Variants in AKAP13 observed in about 807,000 individuals in gnomAD.
The protein encoded by AKAP13 is A-kinase anchoring protein 13.
AKAP13 carries 80 observed loss-of-function variants against 264.5 expected under a neutral mutation model. The observed-to-expected ratio is 0.30, with a 90% CI of 0.25 to 0.36. The LOEUF (loss-of-function observed/expected upper bound fraction) is 0.36. Ranked by LOEUF, AKAP13 falls within the 10% of genes least tolerant of loss-of-function variation. The pLI is 1.00. For missense variants in AKAP13, 3,712 were observed against 3,435.2 expected, an observed-to-expected ratio of 1.08 and a Z score of -2.01; for synonymous variants, 1,380 against 1,250.2, an observed-to-expected ratio of 1.10 and a Z score of -2.19.
intron 1 of AKAP13, among the ~76,000 whole-genome samples, chr15:85,424,603 T>G (rs35734749): frequency 6.6e-6 from 1 of 152,232 alleles, no homozygotes; most frequent in African/African-American, 2.4e-5. Flanking sequence ...AAGGCTATTG[T>G]GCTTTCTTAT....
At chr15:85,507,798 G>T (rs962696897) in intron 2 of AKAP13, among the ~76,000 whole-genome samples, 1 of 152,220 alleles carries the variant, frequency 6.6e-6, no homozygotes, top group Non-Finnish European at 1.5e-5. Flanking sequence ...AGGATATGAT[G>T]GCAGTAGCAC....
chr15:85,453,035 G>A (rs1284116759), intron 1 of AKAP13, among the ~76,000 whole-genome samples: 1 of 152,200 alleles, frequency 6.6e-6, no homozygotes, highest in Non-Finnish European at 1.5e-5. Flanking sequence ...CAAGCCAGGG[G>A]TTGGTTCCCT....
At chr15:85,586,920 A>C (rs1380800835) in intron 8 of AKAP13, among the ~76,000 whole-genome samples, 1 of 111,178 alleles carries the variant, frequency 9.0e-6, no homozygotes, top group Non-Finnish European at 2.0e-5. Flanking sequence ...AGAGCACGAC[A>C]CCTTCTCAAA....
At position 85,441,700 on chromosome 15, in the gene AKAP13, A is replaced by G. The variant is rs536560991; in HGVS notation, c.-11-44010A>G. 3.9e-5 allele frequency among the ~76,000 whole-genome samples: 6 copies of G among 152,120 alleles called. No homozygotes were observed. In the South Asian group the frequency reaches 8.3e-4, roughly 21 times the overall value. ...TTTTGTGTATGGTGTAAGCTAGGGT[A>G]TAAGTTCATTTTTTGCATGTGGATA... On this transcript the variant is annotated intron_variant, in intron 1 of 36. Coordinates refer to ENST00000394518, the MANE Select transcript of AKAP13 (RefSeq NM_007200.5).
At position 85,502,193 on chromosome 15, in the gene AKAP13, G is replaced by A. The variant is rs184341046; in HGVS notation, c.33+16440G>A. On this transcript the variant is annotated intron_variant, in intron 2 of 36. Transcript: ENST00000394518. ...CATGTAGAGAAAGTGTATGTGCTTA[G>A]GAGTCAAGTAGACACAGCTTTACAT... is the stretch of plus-strand genomic sequence containing the variant. Among the ~76,000 whole-genome samples the A allele has an allele frequency of 7.2e-4, 110 of 152,312 alleles. 1 individual carries two copies. Among genetic ancestry groups the A allele is most frequent in the Admixed American group, 4.1e-3 (63 of 15,294 alleles).
chr15:85,733,873 C>CTTTTTTTTTTTTTTTTTTTTTTTTTT (rs72092500), intron 30 of AKAP13, among the ~76,000 whole-genome samples: 3 of 82,588 alleles, frequency 3.6e-5, no homozygotes, highest in Non-Finnish European at 6.9e-5. Context: ...TCTTTCTTTT[C>CTTTTTTTTTTTTTTTTTTTTTTTTTT]TTTTTTTTTT....
At position 85,388,689 on chromosome 15, in the gene AKAP13, T is replaced by C. The variant is rs146671903; in HGVS notation, c.-12+7891T>C. 5.5e-4 allele frequency among the ~76,000 whole-genome samples: 84 copies of C among 152,362 alleles called. 1 individual carries two copies. Among genetic ancestry groups the C allele is most frequent in the East Asian group, 3.3e-3 (17 of 5,196 alleles). ...CTTTGCATTCTTGTGATAATACTCA[T>C]TTAGTCGTGATGTATTATTTTTTAC... On this transcript the variant is annotated intron_variant, in intron 1 of 36. Coordinates refer to ENST00000394518, the MANE Select transcript of AKAP13 (RefSeq NM_007200.5).
chr15:85,457,579 C>A (rs530896887), intron 1 of AKAP13, among the ~76,000 whole-genome samples: 12 of 152,284 alleles, frequency 7.9e-5, no homozygotes, highest in Admixed American at 6.5e-4. Flanking sequence ...TTGGAGTGAT[C>A]TGTATGTCAC....
chr15:85,541,745 GT>G lies in AKAP13; in HGVS notation c.479-2025del, dbSNP rs546619740. 1.6e-3 allele frequency among the ~76,000 whole-genome samples: 239 copies of G among 152,310 alleles called. 2 individuals are homozygous for G. The highest frequency in any genetic ancestry group is 5.7e-3 in the African/African-American group (236 of 41,570). Reference sequence around the variant, plus strand: ...TTACTGAGAAGATAGAATGGAAAAAGTTGACATAAACTGCCTAGCCCAGTGC... The same window carrying G: ...TTACTGAGAAGATAGAATGGAAAAAGTGACATAAACTGCCTAGCCCAGTGC... On this transcript the variant is annotated intron_variant, in intron 4 of 36. Transcript: ENST00000394518.
intron 14 of AKAP13, among the ~76,000 whole-genome samples, chr15:85,675,979 TCGGCTCACTGCAACCTC>T: frequency 6.6e-6 from 1 of 151,980 alleles, no homozygotes; most frequent in African/African-American, 2.4e-5. Context: ...TGGCGCTATC[TCGGCTCACTGCAACCTC>T]TGCCTCCCGG....
chr15:85,654,716 C>T (rs1011155447), intron 10 of AKAP13, among the ~76,000 whole-genome samples: 5 of 151,930 alleles, frequency 3.3e-5, no homozygotes, highest in East Asian at 3.9e-4. Context: ...TCCAGCCACT[C>T]GGGAGGCTGA....
intron 8 of AKAP13, among the ~76,000 whole-genome samples, chr15:85,603,170 C>T (rs1018746934): frequency 6.6e-6 from 1 of 152,204 alleles, no homozygotes; most frequent in Non-Finnish European, 1.5e-5. Flanking sequence ...CTGAAAAAAG[C>T]AGTTTAGCTC....
intron 2 of AKAP13, among the ~76,000 whole-genome samples, chr15:85,511,500 C>T (rs4329876): frequency 0.92 from 139,624 of 152,266 alleles, 64,246 homozygotes; most frequent in South Asian, 0.96. Context: ...ATTCAAAGCC[C>T]CATCATCTTA....
intron 8 of AKAP13, among the ~76,000 whole-genome samples, chr15:85,602,700 G>T (rs1331990170): frequency 6.6e-6 from 1 of 152,236 alleles, no homozygotes; most frequent in East Asian, 1.9e-4. Context: ...ATGTTGGCCA[G>T]CCTGGTCTTG....
Position 85,504,525 on chromosome 15 carries a change from A to G in AKAP13, c.34-16903A>G, listed in dbSNP as rs867520170. ...TTACAAAAAAAAAAAAAAAAAAAAA[A>G]AAAAAAAAAAGAAAAAATTAGCCAG... is the stretch of plus-strand genomic sequence containing the variant. On this transcript the variant is annotated intron_variant, in intron 2 of 36. Coordinates refer to ENST00000394518, the MANE Select transcript of AKAP13 (RefSeq NM_007200.5). 2.0e-3 allele frequency among the ~76,000 whole-genome samples: 285 copies of G among 145,930 alleles called. 4 individuals are homozygous for G. The highest frequency in any genetic ancestry group is 6.4e-3 in the African/African-American group (249 of 38,682).
At chr15:85,413,498 T>C (rs1298600825) in intron 1 of AKAP13, among the ~76,000 whole-genome samples, 4 of 152,150 alleles carry the variant, frequency 2.6e-5, no homozygotes, top group Non-Finnish European at 5.9e-5. Flanking sequence ...GACAAGGAAG[T>C]GGGGATGGAG....
chr15:85,718,204 C>A lies in AKAP13; in HGVS notation c.6001+45C>A. 6.3e-7 allele frequency: 1 copy of A among 1,594,962 alleles called. No homozygotes were observed. Among genetic ancestry groups the A allele is most frequent in the Non-Finnish European group, 8.6e-7 (1 of 1,167,502 alleles). ...TCTGATTATATTTGATTTCCATTGT[C>A]CAGCATTTTTAAGCAGTAATTTGTT... On this transcript the variant is annotated intron_variant, in intron 22 of 36. Transcript: ENST00000394518. This position sits in a 1 kb window ranked among gnomAD's most constrained non-coding sequence, Gnocchi z 4.9.
chr15:85,493,036 TA>T (rs2075774477), intron 2 of AKAP13, among the ~76,000 whole-genome samples: 1 of 152,234 alleles, frequency 6.6e-6, no homozygotes, highest in Non-Finnish European at 1.5e-5. Flanking sequence ...TGGATTTTCC[TA>T]AAATGGGGTA....
chr15:85,644,717 T>A (rs1296343483), intron 9 of AKAP13, among the ~76,000 whole-genome samples: 1 of 136,100 alleles, frequency 7.3e-6, no homozygotes, highest in African/African-American at 2.8e-5. Flanking sequence ...AAAAAAAAAA[T>A]TAGCCAGGCA....
Sources: allele counts gnomAD v4.1 joint callset (sites outside exome capture counted in the v4.1 genomes callset), GRCh38; gene constraint gnomAD v4.1.1; non-coding constraint Gnocchi (gnomAD v3.1); transcripts MANE v1.5; gene names NCBI Gene and HGNC (gene_info 2026-07-23, HGNC 2026-07-21).